The following RTN4RL1 variants were observed in gnomAD, a reference collection of about 807,000 sequenced individuals.
The protein encoded by RTN4RL1 is reticulon 4 receptor like 1.
Under a neutral mutation model 25.6 loss-of-function variants are expected in RTN4RL1, and 7 were observed. That is an observed-to-expected ratio of 0.27 (90% CI 0.16 to 0.51). The LOEUF is 0.51. Among genes scored for constraint, RTN4RL1 ranks in the 20% least tolerant of loss-of-function variants. The pLI, the probability that RTN4RL1 is intolerant of heterozygous loss-of-function variation, is 0.97. For synonymous variants in RTN4RL1, 297 were observed against 288.2 expected (o/e 1.03, Z -0.31); for missense variants, 500 against 615.6 (o/e 0.81, Z 1.99).
intron 1 of RTN4RL1, among the ~76,000 whole-genome samples, chr17:2,011,340 G>A (rs75844086): frequency 0.011 from 1,660 of 152,318 alleles, 28 homozygotes; most frequent in African/African-American, 0.038. Flanking sequence ...GATAAAAGGT[G>A]ACCGCTCATC....
At position 1,998,272 on chromosome 17, in the gene RTN4RL1, G is replaced by T. The variant is rs564551410; in HGVS notation, c.13+26581C>A. On this transcript the variant is annotated intron_variant, in intron 1 of 1. Transcript: ENST00000331238. The surrounding 1 kb of genome is among the most constrained non-coding windows in gnomAD (Gnocchi z 4.9). ...AGGGCGAGGGCGGTGCCCAGACCCG[G>T]CGCCCCAAGGCCTCCCGCAGGCCGA... Among the ~76,000 whole-genome samples, 728 of 152,246 alleles carry T rather than the reference G, an allele frequency of 4.8e-3. 6 individuals carry two copies. Among genetic ancestry groups the T allele is most frequent in the African/African-American group, 0.017 (694 of 41,578 alleles).
At chr17:1,953,496 T>C (rs1462184648) in intron 1 of RTN4RL1, among the ~76,000 whole-genome samples, 1 of 152,156 alleles carries the variant, frequency 6.6e-6, no homozygotes, top group Non-Finnish European at 1.5e-5. Context: ...GGCACATGTA[T>C]ACATATGTAA....
chr17:1,940,114 C>T (rs916234146), intron 1 of RTN4RL1, among the ~76,000 whole-genome samples: 7 of 152,224 alleles, frequency 4.6e-5, no homozygotes, highest in Non-Finnish European at 8.8e-5. Context: ...GAAACAGCCT[C>T]GTAAATAAGT....
chr17:2,007,001 G>T (rs898213615), intron 1 of RTN4RL1, among the ~76,000 whole-genome samples: 2 of 152,044 alleles, frequency 1.3e-5, no homozygotes, highest in Non-Finnish European at 2.9e-5. Context: ...AAGATGAAGG[G>T]TGTGTTACCC....
intron 1 of RTN4RL1, among the ~76,000 whole-genome samples, chr17:1,939,223 C>T (rs190498261): frequency 1.9e-4 from 29 of 149,794 alleles, no homozygotes; most frequent in African/African-American, 5.2e-4. Context: ...CGTGGTGGCG[C>T]GCACTTGTAG....
intron 1 of RTN4RL1, among the ~76,000 whole-genome samples, chr17:1,991,906 G>A (rs1006063676): frequency 6.6e-6 from 1 of 152,220 alleles, no homozygotes; most frequent in Admixed American, 6.5e-5. Context: ...CTCTATTTAC[G>A]GAGCTGTAAC....
chr17:1,937,551 T>G lies in RTN4RL1; in HGVS notation c.271A>C (p.Ile91Leu). The change falls in exon 2 of 2, where the codon ATC (isoleucine) becomes CTC (leucine). Residue 91 changes from isoleucine (I) to leucine (L), a missense_variant. Transcript: ENST00000331238. ...AAGCCCTCGAAGGTGCTGGGGTGGA[T>G]GTAGGTGATGTTGTTCGAGTAGATC... ...LWIYSNNITY[I>L]HPSTFEGFVH... 2 of 1,613,768 alleles carry G rather than the reference T, an allele frequency of 1.2e-6. No homozygotes were observed. Among genetic ancestry groups the G allele is most frequent in the Non-Finnish European group, 1.7e-6 (2 of 1,179,814 alleles).
chr17:1,953,019 G>A (rs1339737448), intron 1 of RTN4RL1, among the ~76,000 whole-genome samples: 2 of 151,938 alleles, frequency 1.3e-5, no homozygotes, highest in Non-Finnish European at 2.9e-5. Context: ...AGAGGCTGTA[G>A]TGAGCCGAGA....
chr17:1,937,979 G>A (rs1480840208), intron 1 of RTN4RL1, among the ~76,000 whole-genome samples, 171 bp from the exon 2 acceptor site: 3 of 152,244 alleles, frequency 2.0e-5, no homozygotes, highest in Non-Finnish European at 2.9e-5. Flanking sequence ...ACCCGTCGGG[G>A]ATGAGAGGCC....
intron 1 of RTN4RL1, among the ~76,000 whole-genome samples, chr17:2,015,555 G>T (rs1427577496): frequency 6.6e-6 from 1 of 152,222 alleles, no homozygotes; most frequent in Non-Finnish European, 1.5e-5. Context: ...CAGAACCATG[G>T]AGGCTGCCAT....
chr17:1,995,691 T>TG (rs2066926534), intron 1 of RTN4RL1: 1 of 152,244 alleles, frequency 6.6e-6, no homozygotes, highest in Non-Finnish European at 1.5e-5. Flanking sequence ...CGCTGCAAGA[T>TG]CTACCATCAA....
At chr17:1,970,854 T>C (rs1215479963) in intron 1 of RTN4RL1, among the ~76,000 whole-genome samples, 1 of 152,124 alleles carries the variant, frequency 6.6e-6, no homozygotes, top group East Asian at 1.9e-4. Context: ...GAGTGGTGCT[T>C]AACATTTTTT....
At chr17:1,984,944 G>T (rs926199228) in intron 1 of RTN4RL1, among the ~76,000 whole-genome samples, 1 of 151,730 alleles carries the variant, frequency 6.6e-6, no homozygotes, top group African/African-American at 2.4e-5. Flanking sequence ...TCCAGCCTGG[G>T]CAACAAGAGC....
chr17:2,017,410 C>A (rs1160265880), intron 1 of RTN4RL1, among the ~76,000 whole-genome samples: 2 of 152,194 alleles, frequency 1.3e-5, no homozygotes, highest in Non-Finnish European at 2.9e-5. Context: ...TCGTGCCCAC[C>A]CACCCCCTGT....
chr17:2,004,654 G>T (rs1344605317), intron 1 of RTN4RL1, among the ~76,000 whole-genome samples: 2 of 152,214 alleles, frequency 1.3e-5, no homozygotes, highest in East Asian at 3.9e-4. Flanking sequence ...CACCGCCTTA[G>T]GGGACTTCTC....
intron 1 of RTN4RL1, among the ~76,000 whole-genome samples, chr17:1,986,055 C>T (rs951542009): frequency 1.3e-5 from 2 of 152,048 alleles, no homozygotes; most frequent in African/African-American, 4.8e-5. Context: ...CACCAAGACA[C>T]GAACCACCTC....
intron 1 of RTN4RL1, 107 bp from the exon 2 acceptor site, chr17:1,937,915 G>C: frequency 1.1e-6 from 1 of 917,294 alleles, no homozygotes; most frequent in Non-Finnish European, 1.6e-6. Flanking sequence ...GCTGAGCTCC[G>C]TGAGAGCCTT....
intron 1 of RTN4RL1, among the ~76,000 whole-genome samples, chr17:1,961,182 A>G (rs1258292844): frequency 6.6e-6 from 1 of 152,234 alleles, no homozygotes; most frequent in African/African-American, 2.4e-5. Context: ...GAAGCCATCT[A>G]CAAAGATAAA....
At chr17:1,978,459 A>G (rs1314768848) in intron 1 of RTN4RL1, among the ~76,000 whole-genome samples, 1 of 152,264 alleles carries the variant, frequency 6.6e-6, no homozygotes, top group African/African-American at 2.4e-5. Context: ...ACCGTCCGCA[A>G]CAGCCATCCA....
Sources: allele counts gnomAD v4.1 joint callset (sites outside exome capture counted in the v4.1 genomes callset), GRCh38; gene constraint gnomAD v4.1.1; non-coding constraint Gnocchi (gnomAD v3.1); transcripts MANE v1.5; gene names NCBI Gene and HGNC (gene_info 2026-07-23, HGNC 2026-07-21).